ERBB4: variants seen among roughly 807,000 people sequenced by gnomAD.
The protein encoded by ERBB4 is receptor tyrosine-protein kinase erbB-4.
A neutral mutation model predicts 158.0 loss-of-function variants in ERBB4; 42 were observed. The ratio of observed to expected loss-of-function variants is 0.27; its 90% CI spans 0.21 to 0.34. ERBB4 has a LOEUF of 0.34. ERBB4 is among the 10% of genes least tolerant of loss of function. The pLI, the probability that ERBB4 is intolerant of heterozygous loss-of-function variation, is 1.00. For missense variants in ERBB4, 1,333 were observed against 1,624.1 expected (o/e 0.82, Z 3.08); for synonymous variants, 583 against 558.7 (o/e 1.04, Z -0.61).
chr2:211,875,842 C>T (rs2078484924), intron 3 of ERBB4, among the ~76,000 whole-genome samples: 1 of 152,174 alleles, frequency 6.6e-6, no homozygotes, highest in African/African-American at 2.4e-5. Flanking sequence ...CAGATACACA[C>T]ATACATTTTG....
At chr2:211,414,500 T>TAAAAAA (rs71047174) in intron 25 of ERBB4, among the ~76,000 whole-genome samples, 9 of 102,110 alleles carry the variant, frequency 8.8e-5, no homozygotes, top group East Asian at 2.7e-4. Context: ...CAGTCTCAAT[T>TAAAAAA]AAAAAAAAAA....
intron 16 of ERBB4, among the ~76,000 whole-genome samples, chr2:211,640,400 C>T (rs1424410226): frequency 6.6e-6 from 1 of 152,026 alleles, no homozygotes; most frequent in Non-Finnish European, 1.5e-5. Context: ...GGGAAAAATA[C>T]CAGGATTTTT....
At position 211,388,045 on chromosome 2, in the gene ERBB4, A is replaced by T. The variant is rs528895494; in HGVS notation, c.3136-53T>A. ...GATATAATAAGAGGCAATATGAATG[A>T]AAAAATTAAAAAAAGAAACGAAAAA... On this transcript the variant is annotated intron_variant, in intron 25 of 27. Transcript: ENST00000342788. 18 of 1,315,300 alleles carry T rather than the reference A, an allele frequency of 1.4e-5. No individual in the cohort carries two copies. The South Asian group carries it at 2.2e-4, about 16-fold the overall frequency. The allele number at this position is 1,315,300 out of a possible 1,614,324, so 81.5% of individuals were successfully genotyped here. A position where few individuals can be genotyped will look rare whatever the true frequency, so the allele number is the denominator to read the frequency against.
At chr2:212,366,094 A>G (rs2089879868) in intron 1 of ERBB4, among the ~76,000 whole-genome samples, 1 of 151,960 alleles carries the variant, frequency 6.6e-6, no homozygotes, top group African/African-American at 2.4e-5. Flanking sequence ...CACCATCTCA[A>G]GGTGCTAGCC....
rs372754032 is a variant in ERBB4 at position 211,705,307 on chromosome 2, T to C, written c.1198+11A>G. The C allele has an allele frequency of 2.5e-6, 4 of 1,587,382 alleles. No homozygotes were observed. The South Asian group carries it at 3.3e-5, about 13-fold the overall frequency. On this transcript the variant is annotated intron_variant, in intron 10 of 27. Coordinates refer to ENST00000342788, the MANE Select transcript of ERBB4 (RefSeq NM_005235.3). The stretch of plus-strand genomic sequence containing the variant: ...TGTTCATAGCGCAACAGTTGCAGTT[T>C]AAAAAATTACCTGTTATCTCTCTGA...
intron 1 of ERBB4, among the ~76,000 whole-genome samples, chr2:212,223,283 C>T (rs1052010642): frequency 6.7e-6 from 1 of 149,730 alleles, no homozygotes; most frequent in Non-Finnish European, 1.5e-5. Context: ...TTTCACAGCT[C>T]TATAGTTACC....
At chr2:211,673,705 C>T (rs1488062793) in intron 13 of ERBB4, among the ~76,000 whole-genome samples, 4 of 151,876 alleles carry the variant, frequency 2.6e-5, no homozygotes, top group African/African-American at 9.7e-5. Flanking sequence ...GTTCCCAATC[C>T]TTGTCCTTCA....
chr2:211,861,340 T>TG (rs2078045699), intron 3 of ERBB4, among the ~76,000 whole-genome samples: 1 of 34,124 alleles, frequency 2.9e-5, no homozygotes, highest in African/African-American at 9.5e-5. Flanking sequence ...TTTTTTTTTG[T>TG]TTTTTTTTTG....
At chr2:211,783,682 G>A (rs190301390) in intron 4 of ERBB4, among the ~76,000 whole-genome samples, 10 of 152,236 alleles carry the variant, frequency 6.6e-5, no homozygotes, top group Admixed American at 2.6e-4. Flanking sequence ...ATTGATTTGC[G>A]TATGTTGAAC....
chr2:212,300,555 A>G (rs1428818824), intron 1 of ERBB4, among the ~76,000 whole-genome samples: 1 of 151,610 alleles, frequency 6.6e-6, no homozygotes, highest in Non-Finnish European at 1.5e-5. Context: ...AAAAAATATC[A>G]AGAAAACTGT....
chr2:211,549,182 T>C (rs958948972), intron 20 of ERBB4, among the ~76,000 whole-genome samples: 1 of 152,138 alleles, frequency 6.6e-6, no homozygotes, highest in Admixed American at 6.5e-5. Context: ...GTTTTTGTAC[T>C]GCAAGATGTA....
Position 211,389,061 on chromosome 2 carries a change from AG to A in ERBB4, c.3136-1070del, listed in dbSNP as rs201229296. 4.6e-3 allele frequency among the ~76,000 whole-genome samples: 694 copies of A among 152,258 alleles called. 18 individuals carry two copies. Among genetic ancestry groups the A allele is most frequent in the Admixed American group, 0.044 (671 of 15,286 alleles). ...TTGTTTGTTTGTTTGTTTGAGATGA[AG>A]TCTCGCTCTGTCACCCAGGCTGGAG... On this transcript the variant is annotated intron_variant, in intron 25 of 27. Coordinates refer to ENST00000342788, the MANE Select transcript of ERBB4 (RefSeq NM_005235.3).
chr2:211,959,585 A>G (rs2081125954), intron 2 of ERBB4, among the ~76,000 whole-genome samples: 1 of 152,108 alleles, frequency 6.6e-6, no homozygotes, highest in Non-Finnish European at 1.5e-5. Context: ...CAAGTAAACA[A>G]CTTAATTATG....
chr2:211,701,562 C>T (rs2073241408), intron 12 of ERBB4, among the ~76,000 whole-genome samples: 1 of 151,962 alleles, frequency 6.6e-6, no homozygotes, highest in Non-Finnish European at 1.5e-5. Context: ...CGGGACCATC[C>T]TGGCTAACAC....
At chr2:212,240,436 G>C (rs1232949253) in intron 1 of ERBB4, among the ~76,000 whole-genome samples, 1 of 151,650 alleles carries the variant, frequency 6.6e-6, no homozygotes, top group Non-Finnish European at 1.5e-5. Context: ...CACGAGACCA[G>C]CCTGACCAAC....
At chr2:211,708,396 A>C (rs1169426570) in intron 9 of ERBB4, among the ~76,000 whole-genome samples, 1 of 152,124 alleles carries the variant, frequency 6.6e-6, no homozygotes, top group Non-Finnish European at 1.5e-5. Context: ...TAATCCCCTG[A>C]ACTAAGAAGC....
intron 16 of ERBB4, among the ~76,000 whole-genome samples, chr2:211,648,818 CTTTTA>C (rs1181572895): frequency 6.6e-6 from 1 of 151,654 alleles, no homozygotes; most frequent in Non-Finnish European, 1.5e-5. Flanking sequence ...ACTATATTGT[CTTTTA>C]TTTTATTTTA....
chr2:211,787,877 T>G, intron 4 of ERBB4, 148 bp downstream of exon 4: 1 of 689,200 alleles, frequency 1.5e-6, no homozygotes, highest in Non-Finnish European at 2.4e-6. Flanking sequence ...AAAAGGTTGA[T>G]CAGCCATTTG....
chr2:212,225,316 TA>T (rs1460488813), intron 1 of ERBB4, among the ~76,000 whole-genome samples: 6 of 152,036 alleles, frequency 3.9e-5, no homozygotes, highest in African/African-American at 1.4e-4. Context: ...TTTACAAAAC[TA>T]AATATATGAT....
Sources: gnomAD v4.1 joint callset for allele counts (sites outside exome capture counted in the v4.1 genomes callset) on GRCh38, gnomAD v4.1.1 for gene constraint, MANE v1.5 for transcripts, NCBI Gene and HGNC (gene_info 2026-07-23, HGNC 2026-07-21) for gene names.